TACR1: variants seen among roughly 807,000 people sequenced by gnomAD.
TACR1 encodes tachykinin receptor 1, also known as substance-P receptor.
Under a neutral mutation model 35.8 loss-of-function variants are expected in TACR1, and 25 were observed. The ratio of observed to expected loss-of-function variants is 0.70; its 90% CI spans 0.51 to 0.98. The LOEUF is 0.98. Ranked by LOEUF, TACR1 falls within the 50% of genes least tolerant of loss-of-function variation. The probability of loss-of-function intolerance (pLI) is 0.00; values close to 1 mark genes in which losing one functional copy is unlikely to be tolerated. For synonymous variants in TACR1, 195 were observed against 206.7 expected, an observed-to-expected ratio of 0.94 and a Z score of 0.48; for missense variants, 478 against 522.9, an observed-to-expected ratio of 0.91 and a Z score of 0.84.
intron 2 of TACR1, among the ~76,000 whole-genome samples, chr2:75,115,831 T>C (rs1051279952): frequency 3.9e-5 from 5 of 128,702 alleles, no homozygotes; most frequent in Non-Finnish European, 7.7e-5. Context: ...GGCGTGAACC[T>C]GGGAGGCGGA....
chr2:75,105,825 A>T (rs1572933376), intron 2 of TACR1, among the ~76,000 whole-genome samples: 1 of 151,966 alleles, frequency 6.6e-6, no homozygotes, highest in East Asian at 1.9e-4. Flanking sequence ...CAACTGAGGG[A>T]TCTGCCACAA....
At chr2:75,147,727 A>G (rs889057951) in intron 1 of TACR1, among the ~76,000 whole-genome samples, 8 of 149,498 alleles carry the variant, frequency 5.4e-5, no homozygotes, top group Non-Finnish European at 1.0e-4. Context: ...AAGTCCCTGC[A>G]AAGGACATGA....
intron 1 of TACR1, among the ~76,000 whole-genome samples, chr2:75,195,757 A>G (rs1219588484): frequency 6.6e-6 from 1 of 152,212 alleles, no homozygotes; most frequent in African/African-American, 2.4e-5. Context: ...TCACCTAAAT[A>G]CACAACAGTA....
intron 2 of TACR1, among the ~76,000 whole-genome samples, chr2:75,063,385 A>G (rs1402250040): frequency 6.6e-6 from 1 of 152,232 alleles, no homozygotes; most frequent in Non-Finnish European, 1.5e-5. Flanking sequence ...GACCTTCTCC[A>G]TTTCAAAATC....
At chr2:75,114,292 C>G (rs1180972463) in intron 2 of TACR1, among the ~76,000 whole-genome samples, 1 of 152,172 alleles carries the variant, frequency 6.6e-6, no homozygotes. Context: ...ATTTAATTAT[C>G]AGAAAATGAC....
At chr2:75,110,737 CTTT>C (rs1198396287) in intron 2 of TACR1, among the ~76,000 whole-genome samples, 1 of 140,674 alleles carries the variant, frequency 7.1e-6, no homozygotes, top group Non-Finnish European at 1.5e-5. Flanking sequence ...TCCATCATTT[CTTT>C]AATCAATCTT....
At chr2:75,185,374 G>A (rs1297134462) in intron 1 of TACR1, among the ~76,000 whole-genome samples, 1 of 151,894 alleles carries the variant, frequency 6.6e-6, no homozygotes, top group Non-Finnish European at 1.5e-5. Flanking sequence ...AAGGCAGATA[G>A]ATATAACAAC....
intron 1 of TACR1, among the ~76,000 whole-genome samples, chr2:75,156,842 G>A (rs1022446872): frequency 8.5e-5 from 13 of 152,156 alleles, no homozygotes; most frequent in Admixed American, 6.5e-5. Flanking sequence ...TTGGATTTGG[G>A]TATGCTCATT....
intron 1 of TACR1, among the ~76,000 whole-genome samples, chr2:75,162,917 T>C (rs896840393): frequency 1.3e-5 from 2 of 152,226 alleles, no homozygotes; most frequent in Non-Finnish European, 2.9e-5. Flanking sequence ...AAGAGACTAC[T>C]GGGCCTACCT....
chr2:75,101,067 A>C (rs1005985966), intron 2 of TACR1, among the ~76,000 whole-genome samples: 1 of 152,152 alleles, frequency 6.6e-6, no homozygotes, highest in South Asian at 2.1e-4. Context: ...ATGATGAATA[A>C]CATGTTGGAC....
chr2:75,061,595 G>A (rs1227919847), intron 2 of TACR1, among the ~76,000 whole-genome samples: 2 of 152,160 alleles, frequency 1.3e-5, no homozygotes, highest in East Asian at 3.9e-4. Flanking sequence ...CCATCTTTCT[G>A]CAGAGACAGG....
At position 75,094,809 on chromosome 2, in the gene TACR1, A is replaced by ATGGAAAT. The variant is rs578070362; in HGVS notation, c.584+25758_584+25764dup. Among the ~76,000 whole-genome samples the ATGGAAAT allele has an allele frequency of 2.9e-3, 427 of 147,750 alleles. 3 individuals are homozygous for ATGGAAAT. The highest frequency in any genetic ancestry group is 0.011 in the African/African-American group (414 of 38,440). On this transcript the variant is annotated intron_variant, in intron 2 of 4. Coordinates refer to ENST00000305249, the MANE Select transcript of TACR1 (RefSeq NM_001058.4). ...ATTTCAATATGCAGAGTTTGTGGGA[A>ATGGAAAT]TGGAAATTGCAAGCTGAGGAAGCAG...
chr2:75,119,250 A>G (rs1414872920), intron 2 of TACR1, among the ~76,000 whole-genome samples: 1 of 152,228 alleles, frequency 6.6e-6, no homozygotes, highest in Non-Finnish European at 1.5e-5. Flanking sequence ...AGTAGCTTAC[A>G]AGGTGAGAAT....
chr2:75,068,577 C>T (rs954583212), intron 2 of TACR1, among the ~76,000 whole-genome samples: 1 of 152,160 alleles, frequency 6.6e-6, no homozygotes, highest in Non-Finnish European at 1.5e-5. Context: ...GACACTGATA[C>T]AGTGTTTCCT....
intron 2 of TACR1, among the ~76,000 whole-genome samples, chr2:75,090,233 A>C (rs1241535827): frequency 6.6e-6 from 1 of 152,146 alleles, no homozygotes; most frequent in Non-Finnish European, 1.5e-5. Flanking sequence ...CATATGATAT[A>C]ATTTACTTTG....
intron 1 of TACR1, among the ~76,000 whole-genome samples, chr2:75,150,232 G>T (rs982982710): frequency 1.8e-4 from 28 of 152,316 alleles, no homozygotes; most frequent in South Asian, 4.1e-4. Context: ...CCCTTGAAAA[G>T]CTCAGAATTT....
chr2:75,160,461 G>C (rs1479982375), intron 1 of TACR1, among the ~76,000 whole-genome samples: 1 of 151,956 alleles, frequency 6.6e-6, no homozygotes, highest in East Asian at 1.9e-4. Context: ...GGACACTGTG[G>C]AACAGTTCTG....
At chr2:75,128,771 T>G (rs1028446615) in intron 1 of TACR1, among the ~76,000 whole-genome samples, 1 of 152,186 alleles carries the variant, frequency 6.6e-6, no homozygotes, top group Non-Finnish European at 1.5e-5. Flanking sequence ...TGGCAGAAGC[T>G]ACTTGTTAGG....
intron 4 of TACR1, among the ~76,000 whole-genome samples, chr2:75,050,844 C>A (rs1672449418): frequency 6.6e-6 from 1 of 152,184 alleles, no homozygotes; most frequent in African/African-American, 2.4e-5. Flanking sequence ...TCTCTTTCTG[C>A]ATGCATAGCC....
Sources: gnomAD v4.1 joint callset for allele counts (sites outside exome capture counted in the v4.1 genomes callset) on GRCh38, gnomAD v4.1.1 for gene constraint, MANE v1.5 for transcripts, NCBI Gene and HGNC (gene_info 2026-07-23, HGNC 2026-07-21) for gene names.